Variants in PARP15 observed in about 807,000 individuals in gnomAD.
PARP15 encodes the protein poly(ADP-ribose) polymerase family member 15, also known as protein mono-ADP-ribosyltransferase PARP15.
PARP15 carries 50 observed loss-of-function variants against 62.1 expected under a neutral mutation model. The ratio of observed to expected loss-of-function variants is 0.81; its 90% CI spans 0.64 to 1.02. The LOEUF is 1.02. Ranked by LOEUF, PARP15 falls within the 50% of genes least tolerant of loss-of-function variation. PARP15 has a pLI of 0.00. For synonymous variants in PARP15, 309 were observed against 293.1 expected, an observed-to-expected ratio of 1.05 and a Z score of -0.55; for missense variants, 820 against 826.5, an observed-to-expected ratio of 0.99 and a Z score of 0.10.
chr3:122,632,463 A>C (rs1456304347), intron 10 of PARP15, among the ~76,000 whole-genome samples: 1 of 152,196 alleles, frequency 6.6e-6, no homozygotes, highest in Non-Finnish European at 1.5e-5. Context: ...CAACCCACTC[A>C]AACTGATTAA....
chr3:122,614,882 T>A (rs1299470338), intron 4 of PARP15, among the ~76,000 whole-genome samples: 1 of 151,844 alleles, frequency 6.6e-6, no homozygotes, highest in Admixed American at 6.6e-5. Flanking sequence ...TACAAAAAAT[T>A]AGCCGGGCGT....
At chr3:122,585,098 T>C (rs1380648280) in intron 1 of PARP15, among the ~76,000 whole-genome samples, 1 of 152,196 alleles carries the variant, frequency 6.6e-6, no homozygotes, top group African/African-American at 2.4e-5. Flanking sequence ...GAAGTGCCCT[T>C]TTGTCACCGA....
rs780023646 is a variant in PARP15 at position 122,613,118 on chromosome 3, TG to T, written c.623del (p.Gly208GlufsTer15). On this transcript the variant is annotated frameshift_variant, in exon 4 of 12. Transcript: ENST00000464300. LOFTEE classifies it high-confidence loss of function. ...TCTCATCAATCACATTTCCCATGAT[TG>T]GAACAGGAAGTTTGCAGTTTCCCAA... is the stretch of plus-strand genomic sequence containing the variant. ...SFSSITFPMI[G>X]TGSLQFPKAV... 1.3e-6 allele frequency: 2 copies of T among 1,551,850 alleles called. No homozygotes were observed.
At chr3:122,602,431 A>C (rs1458044030) in intron 1 of PARP15, among the ~76,000 whole-genome samples, 2 of 152,146 alleles carry the variant, frequency 1.3e-5, no homozygotes, top group African/African-American at 4.8e-5. Flanking sequence ...ACCAGGGTAC[A>C]CCGAAAAACA....
intron 1 of PARP15, among the ~76,000 whole-genome samples, chr3:122,595,031 T>C (rs1224795675): frequency 6.6e-6 from 1 of 152,192 alleles, no homozygotes; most frequent in Non-Finnish European, 1.5e-5. Context: ...TATTCAGCTT[T>C]TAATGCATGG....
chr3:122,638,745 T>A lies in PARP15; in HGVS notation c.*2645T>A, dbSNP rs1250288390. ...ATTGCAAAAATTTTCTCCCATTCTG[T>A]AGGTTGCCTGTTCACTCTGATGGTA... is the stretch of plus-strand genomic sequence containing the variant. On this transcript the variant is annotated 3_prime_UTR_variant, in exon 12 of 12. Transcript: ENST00000464300. 2 of 152,194 alleles carry A rather than the reference T, an allele frequency of 1.3e-5. No individual in the cohort carries two copies. Among genetic ancestry groups the A allele is most frequent in the Non-Finnish European group, 2.9e-5 (2 of 68,040 alleles). 9.4% of individuals were successfully genotyped at this position (152,194 alleles called of 1,614,324 possible).
chr3:122,613,814 C>CTTTTTTTTT (rs747039553), intron 4 of PARP15, among the ~76,000 whole-genome samples: 2 of 90,776 alleles, frequency 2.2e-5, no homozygotes, highest in Non-Finnish European at 4.1e-5. Flanking sequence ...TGAATCTCAG[C>CTTTTTTTTT]TTTTTTTTTT....
intron 11 of PARP15, 122 bp from the exon 12 acceptor site, chr3:122,635,689 A>T: frequency 9.0e-7 from 1 of 1,106,236 alleles, no homozygotes; most frequent in Admixed American, 2.6e-5. Context: ...TTGGGATTAC[A>T]GGCATGAGCC....
At chr3:122,629,854 C>G (rs1936962422) in intron 9 of PARP15, among the ~76,000 whole-genome samples, 2 of 152,102 alleles carry the variant, frequency 1.3e-5, no homozygotes. Flanking sequence ...AGGGTTTGAG[C>G]TCCTATGAGA....
intron 9 of PARP15, among the ~76,000 whole-genome samples, chr3:122,628,582 T>G (rs1218784283): frequency 6.6e-6 from 1 of 152,220 alleles, no homozygotes; most frequent in Non-Finnish European, 1.5e-5. Context: ...GGTTCATCAC[T>G]CTTTGCTTTC....
At chr3:122,585,570 T>C (rs936341092) in intron 1 of PARP15, among the ~76,000 whole-genome samples, 2 of 152,234 alleles carry the variant, frequency 1.3e-5, no homozygotes, top group Non-Finnish European at 2.9e-5. Flanking sequence ...ACTTAGGTTC[T>C]GCCCGTGGTT....
At chr3:122,609,696 T>TAA (rs570484915) in intron 2 of PARP15, among the ~76,000 whole-genome samples, 18 of 129,752 alleles carry the variant, frequency 1.4e-4, no homozygotes, top group African/African-American at 4.4e-4. Flanking sequence ...AAATCGTGTT[T>TAA]AAAAAAAAAA....
chr3:122,635,101 A>G lies in PARP15; in HGVS notation c.1654A>G (p.Asn552Asp). 6.2e-7 allele frequency: 1 copy of G among 1,614,092 alleles called. No homozygotes were observed. The highest frequency in any genetic ancestry group is 2.2e-5 in the East Asian group (1 of 44,876). The part of the protein sequence containing the change: ...RQMDIKNDHK[N>D]NERLLFHGTD... Reference sequence around the variant, plus strand: ...AATGGATATCAAGAATGACCATAAGAATAATGAGAGACTCCTCTTCCATGG... The same window carrying G: ...AATGGATATCAAGAATGACCATAAGGATAATGAGAGACTCCTCTTCCATGG... The change falls in exon 11 of 12, where the codon AAT becomes GAT. Residue 552 changes from asparagine to aspartate, a missense_variant. Physicochemically the swap from Asn to Asp is conservative, Grantham distance 23 (BLOSUM62 1). Transcript: ENST00000464300.
At chr3:122,631,274 A>G (rs1294468611) in intron 9 of PARP15, among the ~76,000 whole-genome samples, 3 of 152,218 alleles carry the variant, frequency 2.0e-5, no homozygotes, top group Non-Finnish European at 4.4e-5. Context: ...AAAAGAGCTT[A>G]CTGATTAGGG....
chr3:122,610,772 G>A, intron 3 of PARP15, 42 bp downstream of exon 3: 2 of 1,448,476 alleles, frequency 1.4e-6, no homozygotes, highest in Non-Finnish European at 1.8e-6. Flanking sequence ...GGGTGGCTTT[G>A]GGAATCTCCT....
rs1423521538 is a variant in PARP15 at position 122,632,112 on chromosome 3, A to C, written c.1465A>C (p.Met489Leu). Residue 489 changes from methionine to leucine, a missense_variant, in exon 10 of 12, where the codon ATG becomes CTG. By Grantham distance (15) the Met-to-Leu change is conservative. Coordinates refer to ENST00000464300, the MANE Select transcript of PARP15 (RefSeq NM_001113523.3). ...TCNLPEHWTD[M>L]NHQLFCMVQL... is the part of the protein sequence containing the mutation. Reference sequence around the variant, plus strand: ...TAATCTTCCTGAACACTGGACTGACATGAATCATCAGCTGTTTTGCATGGT... The same window carrying C: ...TAATCTTCCTGAACACTGGACTGACCTGAATCATCAGCTGTTTTGCATGGT... 1.2e-6 allele frequency: 2 copies of C among 1,614,096 alleles called. No homozygotes were observed. Among genetic ancestry groups the C allele is most frequent in the East Asian group, 2.2e-5 (1 of 44,880 alleles).
chr3:122,579,266 A>C (rs2080749605), intron 1 of PARP15, among the ~76,000 whole-genome samples: 1 of 152,130 alleles, frequency 6.6e-6, no homozygotes, highest in Admixed American at 6.5e-5. Flanking sequence ...TTTTCTCAAT[A>C]TTATATATGA....
At chr3:122,580,711 AT>A (rs923230322) in intron 1 of PARP15, among the ~76,000 whole-genome samples, 1 of 152,142 alleles carries the variant, frequency 6.6e-6, no homozygotes, top group African/African-American at 2.4e-5. Flanking sequence ...GCTGAATAAT[AT>A]TTTATACGTA....
At chr3:122,626,523 A>T (rs1481453201) in intron 8 of PARP15, among the ~76,000 whole-genome samples, 2 of 152,112 alleles carry the variant, frequency 1.3e-5, no homozygotes, top group Non-Finnish European at 2.9e-5. Flanking sequence ...TTATTAGTCA[A>T]GATAGGGAGA....
Sources: gnomAD v4.1 joint callset for allele counts (sites outside exome capture counted in the v4.1 genomes callset) on GRCh38, gnomAD v4.1.1 for gene constraint, MANE v1.5 for transcripts, NCBI Gene and HGNC (gene_info 2026-07-23, HGNC 2026-07-21) for gene names.